Variants in DOCK2 observed in about 807,000 individuals in gnomAD.
The protein encoded by DOCK2 is dedicator of cytokinesis protein 2.
DOCK2 carries 87 observed loss-of-function variants against 248.9 expected under a neutral mutation model. The observed-to-expected ratio is 0.35, with a 90% CI of 0.29 to 0.42. The LOEUF is 0.42. DOCK2 is among the 10% of genes least tolerant of loss of function. The pLI is 1.00. For synonymous variants in DOCK2, 805 were observed against 821.6 expected (o/e 0.98, Z 0.35); for missense variants, 1,747 against 2,300.2 (o/e 0.76, Z 4.92).
intron 48 of DOCK2, 129 bp downstream of exon 48, chr5:170,077,966 C>T (rs1454078683): frequency 1.3e-6 from 1 of 786,408 alleles, no homozygotes; most frequent in East Asian, 2.7e-5. Flanking sequence ...AAAGCCTTTT[C>T]CCATCTGCAG....
intron 27 of DOCK2, among the ~76,000 whole-genome samples, chr5:169,944,869 A>G (rs561033914): frequency 3.3e-5 from 5 of 152,344 alleles, no homozygotes; most frequent in African/African-American, 1.2e-4. Context: ...CCAGTTGCTC[A>G]GAATGCTTCA....
intron 27 of DOCK2, among the ~76,000 whole-genome samples, chr5:169,907,865 G>C (rs1774374643): frequency 1.3e-5 from 2 of 152,140 alleles, no homozygotes; most frequent in Admixed American, 6.5e-5. Flanking sequence ...TAGAGGGCAG[G>C]GATGCTCTAA....
chr5:170,044,749 G>C (rs1025995076), intron 38 of DOCK2, among the ~76,000 whole-genome samples: 1 of 152,112 alleles, frequency 6.6e-6, no homozygotes, highest in African/African-American at 2.4e-5. Flanking sequence ...TTATTTTTAT[G>C]CTTGGATGCA....
At position 170,008,481 on chromosome 5, in the gene DOCK2, G is replaced by T. The variant is rs755576207; in HGVS notation, c.3073-16G>T. On this transcript the variant is annotated splice_polypyrimidine_tract_variant and intron_variant, in intron 30 of 51. Transcript: ENST00000520908. ...CAGACCCTCTCCATAACTGTTCTCTGCTCTTTCATTTACAGCTGTGGAACA... is the reference window on the plus strand; with the variant it reads ...CAGACCCTCTCCATAACTGTTCTCTTCTCTTTCATTTACAGCTGTGGAACA... 5.6e-6 allele frequency: 9 copies of T among 1,613,666 alleles called. No individual in the cohort carries two copies. In the South Asian group the frequency reaches 9.9e-5, roughly 18 times the overall value.
intron 33 of DOCK2, among the ~76,000 whole-genome samples, chr5:170,020,329 G>A (rs1338691754): frequency 6.6e-6 from 1 of 152,138 alleles, no homozygotes; most frequent in Non-Finnish European, 1.5e-5. Flanking sequence ...CAAATGCCAT[G>A]TCACCTAGAA....
rs530023072 is a variant in DOCK2 at position 169,844,553 on chromosome 5, C to T, written c.2799+3701C>T. ...ACCCGGTGGGTGACCCATCACACTA[C>T]GTGGCTGTACCACTTCACATTCCCC... On this transcript the variant is annotated intron_variant, in intron 27 of 51. Transcript: ENST00000520908. Among the ~76,000 whole-genome samples the T allele has an allele frequency of 9.2e-5, 14 of 152,334 alleles. No homozygotes were observed. The South Asian group carries it at 1.0e-3, about 11-fold the overall frequency.
intron 34 of DOCK2, among the ~76,000 whole-genome samples, chr5:170,030,959 G>C: frequency 6.6e-6 from 1 of 152,332 alleles, no homozygotes; most frequent in Middle Eastern, 3.4e-3. Flanking sequence ...AAGGTTTAAG[G>C]CATGGAGTGG....
chr5:170,004,000 C>T (rs1468111928), intron 30 of DOCK2, among the ~76,000 whole-genome samples: 1 of 152,160 alleles, frequency 6.6e-6, no homozygotes, highest in Non-Finnish European at 1.5e-5. Context: ...GGCACAGCTA[C>T]AGCCTCATGG....
At chr5:169,659,611 T>G (rs981653635) in intron 2 of DOCK2, among the ~76,000 whole-genome samples, 1 of 152,212 alleles carries the variant, frequency 6.6e-6, no homozygotes, top group Non-Finnish European at 1.5e-5. Context: ...CACTTTTTAT[T>G]ATAAGGATAA....
At chr5:169,801,601 G>A (rs890990734) in intron 25 of DOCK2, among the ~76,000 whole-genome samples, 4 of 152,114 alleles carry the variant, frequency 2.6e-5, no homozygotes, top group African/African-American at 7.2e-5. Context: ...CCTAATTGGG[G>A]CCAGGTGTCC....
rs190308021 is a variant in DOCK2 at position 169,866,737 on chromosome 5, G to C, written c.2799+25885G>C. Reference sequence around the variant, plus strand: ...GCATGTGCAGACTCACATACTGACTGTCTATTTCAGGAGTCTCTATTTCAG... The same window carrying C: ...GCATGTGCAGACTCACATACTGACTCTCTATTTCAGGAGTCTCTATTTCAG... On this transcript the variant is annotated intron_variant, in intron 27 of 51. Coordinates refer to ENST00000520908, the MANE Select transcript of DOCK2 (RefSeq NM_004946.3). Among the ~76,000 whole-genome samples, 51 of 152,272 alleles carry C rather than the reference G, an allele frequency of 3.3e-4. 1 individual carries two copies. Among genetic ancestry groups the C allele is most frequent in the African/African-American group, 1.2e-3 (49 of 41,570 alleles).
At position 169,654,439 on chromosome 5, in the gene DOCK2, T is replaced by C. The variant is rs766504591; in HGVS notation, c.80T>C (p.Leu27Pro). The C allele has an allele frequency of 6.2e-7, 1 of 1,614,080 alleles. No individual in the cohort carries two copies. Residue 27 changes from leucine (L) to proline (P), a missense_variant, in exon 2 of 52, where the codon CTC (leucine) becomes CCC (proline). Physicochemically the swap from Leu to Pro is moderately conservative, Grantham distance 98. Transcript: ENST00000520908. Reference sequence around the variant, plus strand: ...TTCCAAGGCAGCGGAGCCCCCCAGCTCTCCCTGCAGATCGGCGATGTGGTG... The same window carrying C: ...TTCCAAGGCAGCGGAGCCCCCCAGCCCTCCCTGCAGATCGGCGATGTGGTG... ...YNFQGSGAPQ[L>P]SLQIGDVVRI...
Position 169,840,783 on chromosome 5 carries a change from GATC to G in DOCK2, c.2733_2735del (p.Ile911del). ...CCTTCACCTACCACCATATCCAGGA[GATC>G]ATGGTCCAGCTGCTGCGGACAGTGA... is the stretch of plus-strand genomic sequence containing the variant. On this transcript the variant is annotated inframe_deletion, in exon 27 of 52. Coordinates refer to ENST00000520908, the MANE Select transcript of DOCK2 (RefSeq NM_004946.3). 3 of 1,613,984 alleles carry G rather than the reference GATC, an allele frequency of 1.9e-6. No homozygotes were observed. The highest frequency in any genetic ancestry group is 2.5e-6 in the Non-Finnish European group (3 of 1,179,962).
At chr5:169,683,590 A>G (rs529845267) in intron 7 of DOCK2, among the ~76,000 whole-genome samples, 4 of 152,248 alleles carry the variant, frequency 2.6e-5, no homozygotes, top group Admixed American at 2.6e-4. Flanking sequence ...CCTCGTCAAC[A>G]CTTGATATCA....
intron 27 of DOCK2, chr5:169,934,603 C>A (rs1267975813): frequency 2.2e-6 from 1 of 455,706 alleles, no homozygotes; most frequent in Non-Finnish European, 4.4e-6. Flanking sequence ...GCTGTCTGAC[C>A]TTGGGCAAGA....
At position 170,004,127 on chromosome 5, in the gene DOCK2, C is replaced by T. The variant is rs560469978; in HGVS notation, c.3073-4370C>T. The stretch of plus-strand genomic sequence containing the variant: ...TACAAAAATGTTCATAGCAGCATAG[C>T]GTCAATGCTATGACTCATAATAGTC... On this transcript the variant is annotated intron_variant, in intron 30 of 51. Coordinates refer to ENST00000520908, the MANE Select transcript of DOCK2 (RefSeq NM_004946.3). Among the ~76,000 whole-genome samples the T allele has an allele frequency of 2.4e-4, 36 of 152,316 alleles. 1 individual carries two copies. The highest frequency in any genetic ancestry group is 8.7e-4 in the African/African-American group (36 of 41,572).
rs751485510 is a variant in DOCK2 at position 170,019,075 on chromosome 5, G to A, written c.3348G>A (p.Leu1116=). ...TACCAATCTTCTTCGACATGATGCT[G>A]TGTGAATATCAAAGAAGTGGGGATT... ...ATIPIFFDMM[L]CEYQRSGDFK... The change falls in exon 33 of 52, where the codon CTG becomes CTA. Residue 1116 remains leucine (L), a synonymous_variant. Transcript: ENST00000520908. 2.5e-6 allele frequency: 4 copies of A among 1,613,956 alleles called. No individual in the cohort carries two copies. Among genetic ancestry groups the A allele is most frequent in the Non-Finnish European group, 3.4e-6 (4 of 1,179,970 alleles).
Position 169,881,279 on chromosome 5 carries a change from G to T in DOCK2, c.2799+40427G>T. The T allele has an allele frequency of 4.5e-6, 5 of 1,101,024 alleles. No individual in the cohort carries two copies. The Admixed American group carries it at 6.6e-5, about 15-fold the overall frequency. 68.2% of individuals were successfully genotyped at this position (1,101,024 alleles called of 1,614,324 possible). On this transcript the variant is annotated intron_variant, in intron 27 of 51. Coordinates refer to ENST00000520908, the MANE Select transcript of DOCK2 (RefSeq NM_004946.3). ...TAAATACCTTGTTTTTGCCTCTCTT[G>T]ACTTTTTGCATTTAAAAGTTTGCTA...
intron 27 of DOCK2, among the ~76,000 whole-genome samples, chr5:169,975,996 T>C (rs1350460992): frequency 6.6e-6 from 1 of 152,234 alleles, no homozygotes; most frequent in Admixed American, 6.5e-5. Context: ...AGAACAAAAC[T>C]TCTTTCATTT....
Sources: allele counts gnomAD v4.1 joint callset (sites outside exome capture counted in the v4.1 genomes callset), GRCh38; gene constraint gnomAD v4.1.1; transcripts MANE v1.5; gene names NCBI Gene and HGNC (gene_info 2026-07-23, HGNC 2026-07-21).